The following ANK3 variants were observed in gnomAD, a reference collection of about 807,000 sequenced individuals.
The protein encoded by ANK3 is ankyrin-3.
A neutral mutation model predicts 370.9 loss-of-function variants in ANK3; 57 were observed. The ratio of observed to expected loss-of-function variants is 0.15; its 90% CI spans 0.12 to 0.19. ANK3 has a LOEUF of 0.19. ANK3 is among the 10% of genes least tolerant of loss of function. ANK3 has a pLI of 1.00. For synonymous variants in ANK3, 1,929 were observed against 1,946.3 expected, an observed-to-expected ratio of 0.99 and a Z score of 0.23; for missense variants, 4,439 against 5,302.1, an observed-to-expected ratio of 0.84 and a Z score of 5.06.
At position 60,031,193 on chromosome 10, in the gene ANK3, A is replaced by AAATTAGAG. The variant is rs1293100065; in HGVS notation, c.*20-1368_*20-1367insCTCTAATT. 2.6e-5 allele frequency among the ~76,000 whole-genome samples: 4 copies of AAATTAGAG among 152,210 alleles called. No individual in the cohort carries two copies. The East Asian group carries it at 7.7e-4, about 29-fold the overall frequency. On this transcript the variant is annotated intron_variant, in intron 43 of 43. Transcript: ENST00000280772. ...ATTACAATGAAATTTCTTTTCCATA[A>AAATTAGAG]CCAAATTAAAATTAGAGACAAACTT...
rs147944065 is a variant in ANK3 at position 60,292,732 on chromosome 10, G to A, written c.115-13093C>T. ...TTCTTTCTTTTTTTTTTTTTTTGAC[G>A]GAGTCTCACTCTGTTGCCAGGCCAG... On this transcript the variant is annotated intron_variant, in intron 1 of 43. Transcript: ENST00000280772. 5.5e-3 allele frequency among the ~76,000 whole-genome samples: 758 copies of A among 138,022 alleles called. 5 individuals carry two copies. The highest frequency in any genetic ancestry group is 0.01 in the South Asian group (44 of 4,312). The allele number at this position is 138,022 out of a possible 152,430, so 90.5% of individuals were successfully genotyped here.
At chr10:60,404,602 A>T (rs1423233078) in intron 2 of ANK3, among the ~76,000 whole-genome samples, 1 of 152,158 alleles carries the variant, frequency 6.6e-6, no homozygotes, top group African/African-American at 2.4e-5. Context: ...AGACATAAAA[A>T]CTAAACTCTA....
intron 36 of ANK3, among the ~76,000 whole-genome samples, chr10:60,080,128 T>C (rs921573381): frequency 6.6e-6 from 1 of 152,156 alleles, no homozygotes. Flanking sequence ...TGACAACCTA[T>C]CTATACTGAG....
intron 1 of ANK3, among the ~76,000 whole-genome samples, chr10:60,650,737 T>C (rs1184161265): frequency 6.6e-6 from 1 of 152,198 alleles, no homozygotes; most frequent in Admixed American, 6.5e-5. Flanking sequence ...AACTTTGTTA[T>C]TCTCCACTCA....
chr10:60,689,534 T>G (rs988441257), intron 1 of ANK3, among the ~76,000 whole-genome samples: 1 of 152,086 alleles, frequency 6.6e-6, no homozygotes, highest in Non-Finnish European at 1.5e-5. Flanking sequence ...GGTGGATCAC[T>G]TGAGCTCAGG....
rs1353811209 is a variant in ANK3 at position 60,467,411 on chromosome 10, A to T, written c.96+147775T>A. Among the ~76,000 whole-genome samples, 3 of 152,190 alleles carry T rather than the reference A, an allele frequency of 2.0e-5. No homozygotes were observed. The East Asian group carries it at 5.8e-4, about 29-fold the overall frequency. On this transcript the variant is annotated intron_variant, in intron 2 of 43. Coordinates refer to the ANK3 transcript ENST00000373827. The stretch of plus-strand genomic sequence containing the variant: ...ATTATTCCACCAACGCTTATATCCT[A>T]ATCCTGAACACATCTTTAGCAGGAT...
intron 1 of ANK3, among the ~76,000 whole-genome samples, chr10:60,313,462 C>T (rs1331821063): frequency 1.3e-5 from 2 of 152,120 alleles, no homozygotes; most frequent in African/African-American, 4.8e-5. Context: ...TTTGTCTTTC[C>T]TGCAGGAAAG....
chr10:60,290,095 A>C (rs989491931), intron 1 of ANK3, among the ~76,000 whole-genome samples: 5 of 152,204 alleles, frequency 3.3e-5, no homozygotes, highest in Non-Finnish European at 7.3e-5. Flanking sequence ...TTTTATAGAT[A>C]TCTTGCACAG....
At chr10:60,383,530 C>G (rs993418632) in intron 1 of ANK3, among the ~76,000 whole-genome samples, 1 of 152,168 alleles carries the variant, frequency 6.6e-6, no homozygotes, top group African/African-American at 2.4e-5. Flanking sequence ...CTCATACACT[C>G]ATTCACCACC....
At chr10:60,727,101 A>G (rs1365794169) in intron 1 of ANK3, among the ~76,000 whole-genome samples, 1 of 152,104 alleles carries the variant, frequency 6.6e-6, no homozygotes, top group African/African-American at 2.4e-5. Flanking sequence ...TAGATCCTAC[A>G]ATTTCAGTCT....
At chr10:60,584,135 T>C (rs1380479086) in intron 2 of ANK3, among the ~76,000 whole-genome samples, 1 of 152,196 alleles carries the variant, frequency 6.6e-6, no homozygotes. Flanking sequence ...CTCCACTTCT[T>C]ACCAGAAGTT....
chr10:60,166,793 A>T, intron 22 of ANK3, 31 bp downstream of exon 22: 1 of 1,605,968 alleles, frequency 6.2e-7, no homozygotes, highest in Non-Finnish European at 8.5e-7. Context: ...GTCACTTATA[A>T]TTATTGTGAA....
intron 1 of ANK3, among the ~76,000 whole-genome samples, chr10:60,325,035 T>G (rs531480983): frequency 6.6e-6 from 1 of 152,340 alleles, no homozygotes; most frequent in East Asian, 1.9e-4. Context: ...CTACCCATAA[T>G]GTACTCTGCT....
chr10:60,402,890 A>AC (rs1454829240), intron 2 of ANK3, among the ~76,000 whole-genome samples: 2 of 152,174 alleles, frequency 1.3e-5, no homozygotes, highest in African/African-American at 4.8e-5. Flanking sequence ...TGGCCAGCCT[A>AC]CAGTTACATA....
rs2094109807 is a variant in ANK3 at position 60,132,143 on chromosome 10, T to TGG, written c.2841+2127_2841+2128insCC. Among the ~76,000 whole-genome samples, 3 of 152,160 alleles carry TGG rather than the reference T, an allele frequency of 2.0e-5. No individual in the cohort carries two copies. In the South Asian group the frequency reaches 6.2e-4, roughly 32 times the overall value. ...ACCACAGCCAACCAAGCAGAAAATT[T>TGG]CAACCAATTCCTGGCAACACCTTAT... On this transcript the variant is annotated intron_variant, in intron 25 of 43. Coordinates refer to ENST00000280772, the MANE Select transcript of ANK3 (RefSeq NM_020987.5).
intron 28 of ANK3, among the ~76,000 whole-genome samples, chr10:60,105,207 AT>A (rs35078297): frequency 0.23 from 34,509 of 148,308 alleles, 4,764 homozygotes; most frequent in South Asian, 0.32. Context: ...CTGTTCTCTA[AT>A]TTTTTTTTTT....
At chr10:60,304,709 A>G (rs1242545547) in intron 1 of ANK3, among the ~76,000 whole-genome samples, 1 of 152,216 alleles carries the variant, frequency 6.6e-6, no homozygotes, top group Non-Finnish European at 1.5e-5. Context: ...TTACCTTTAT[A>G]AAGATGGAAA....
Position 60,075,061 on chromosome 10 carries a change from A to T in ANK3, c.5820T>A (p.Asp1940Glu). ...QPELPKEGRI[D>E]DEEPFKIVEK... is the part of the protein sequence containing the mutation. ...CTACAATTTTGAAAGGTTCTTCATC[A>T]TCTATTCTCCCTTCCTTTGGGAGTT... The change falls in exon 37 of 44, where the codon GAT (aspartate) becomes GAA (glutamate). Residue 1940 changes from aspartate to glutamate, a missense_variant. Asp to Glu is a conservative substitution (Grantham distance 45, BLOSUM62 2). Around this residue, in one of 13 missense-constraint regions of ANK3, gnomAD observed 679 missense variants for 791.0 expected, o/e 0.86. Transcript: ENST00000280772. 6 of 1,613,952 alleles carry T rather than the reference A, an allele frequency of 3.7e-6. No homozygotes were observed. The highest frequency in any genetic ancestry group is 5.1e-6 in the Non-Finnish European group (6 of 1,179,990).
chr10:60,510,748 A>T (rs909414319), intron 2 of ANK3, among the ~76,000 whole-genome samples: 3 of 152,046 alleles, frequency 2.0e-5, no homozygotes, highest in African/African-American at 7.2e-5. Flanking sequence ...TGAATCTGGG[A>T]GGTGGAGGTT....
Sources: gnomAD v4.1 joint callset for allele counts (sites outside exome capture counted in the v4.1 genomes callset) on GRCh38, gnomAD v4.1.1 for gene constraint, gnomAD v4.1.1 regional missense constraint, MANE v1.5 for transcripts, NCBI Gene and HGNC (gene_info 2026-07-23, HGNC 2026-07-21) for gene names.